Variants in KAT6A observed in about 807,000 individuals in gnomAD.
The protein encoded by KAT6A is histone acetyltransferase KAT6A.
In KAT6A, 9 loss-of-function variants were observed where a neutral mutation model predicts 198.4. That is an observed-to-expected ratio of 0.05 (90% CI 0.03 to 0.08). The LOEUF (loss-of-function observed/expected upper bound fraction) is 0.08. Among genes scored for constraint, KAT6A ranks in the 10% least tolerant of loss-of-function variants. The pLI, the probability that KAT6A is intolerant of heterozygous loss-of-function variation, is 1.00. For synonymous variants in KAT6A, 890 were observed against 883.0 expected (o/e 1.01, Z -0.14); for missense variants, 2,077 against 2,509.9 (o/e 0.83, Z 3.69).
chr8:42,025,181 C>A (rs914707278), intron 2 of KAT6A, among the ~76,000 whole-genome samples: 2 of 151,752 alleles, frequency 1.3e-5, no homozygotes, highest in Admixed American at 1.3e-4. Context: ...TTTGTATTTC[C>A]CAGATGATTA....
At chr8:41,993,430 C>G (rs1193762200) in intron 2 of KAT6A, among the ~76,000 whole-genome samples, 1 of 152,130 alleles carries the variant, frequency 6.6e-6, no homozygotes, top group African/African-American at 2.4e-5. Context: ...AGGCGTTATT[C>G]CAAACAGAGT....
chr8:41,947,250 T>C (rs1172928489), intron 11 of KAT6A, among the ~76,000 whole-genome samples: 1 of 152,266 alleles, frequency 6.6e-6, no homozygotes, highest in East Asian at 1.9e-4. Flanking sequence ...CTAACTGTTT[T>C]ATACACTTGG....
intron 9 of KAT6A, among the ~76,000 whole-genome samples, chr8:41,954,200 T>C (rs897626543): frequency 6.6e-6 from 1 of 152,218 alleles, no homozygotes; most frequent in East Asian, 1.9e-4. Context: ...AAGCAAGTTA[T>C]TATATGGAAA....
At chr8:42,035,379 T>C (rs1243478682) in intron 2 of KAT6A, among the ~76,000 whole-genome samples, 1 of 151,970 alleles carries the variant, frequency 6.6e-6, no homozygotes, top group African/African-American at 2.4e-5. Flanking sequence ...AATATACAAG[T>C]CCAGAGATCA....
intron 5 of KAT6A, among the ~76,000 whole-genome samples, 157 bp downstream of exon 5, chr8:41,980,689 C>G (rs1824307247): frequency 6.6e-6 from 1 of 152,202 alleles, no homozygotes; most frequent in Non-Finnish European, 1.5e-5. Context: ...CTCAGAAAGA[C>G]TATCCCCCCA....
At chr8:41,995,328 C>T (rs1342637922) in intron 2 of KAT6A, among the ~76,000 whole-genome samples, 1 of 152,138 alleles carries the variant, frequency 6.6e-6, no homozygotes, top group Non-Finnish European at 1.5e-5. Flanking sequence ...GCCATAGCAA[C>T]TCAAAAGCAG....
At position 41,937,455 on chromosome 8, in the gene KAT6A, A is replaced by G. The variant is rs1390381703; in HGVS notation, c.3153T>C (p.Asp1051=). The change falls in exon 16 of 17, where the codon GAT becomes GAC. Residue 1051 remains aspartate (D), a synonymous_variant. Transcript: ENST00000265713. ...TTGGCATTGGCCTCTCGGAGTCAGA[A>G]TCTTCAAAAGGTTCATCTAACACTT... ...TTEVLDEPFE[D]SDSERPMPRL... The G allele has an allele frequency of 6.2e-7, 1 of 1,614,062 alleles. No individual in the cohort carries two copies. The highest frequency in any genetic ancestry group is 1.3e-5 in the African/African-American group (1 of 74,940).
chr8:42,050,789 G>A (rs1802575923), intron 1 of KAT6A, among the ~76,000 whole-genome samples: 1 of 152,142 alleles, frequency 6.6e-6, no homozygotes, highest in Non-Finnish European at 1.5e-5. Flanking sequence ...AAGCTTCGCA[G>A]GTAAAAGAAT....
intron 8 of KAT6A, among the ~76,000 whole-genome samples, chr8:41,960,564 C>T (rs189011828): frequency 6.7e-6 from 1 of 148,972 alleles, no homozygotes; most frequent in East Asian, 2.0e-4. Flanking sequence ...GTATATTTTA[C>T]CACAATTATT....
Position 41,933,748 on chromosome 8 carries a change from C to A in KAT6A, c.4472G>T (p.Ser1491Ile). The A allele has an allele frequency of 6.2e-7, 1 of 1,614,120 alleles. No homozygotes were observed. Among genetic ancestry groups the A allele is most frequent in the Non-Finnish European group, 8.5e-7 (1 of 1,180,028 alleles). ...ACTGCTGACCGAACGGACTGACTGGCTGGGGTGAGACTGAACGGAGGAGAT... is the reference window on the plus strand; with the variant it reads ...ACTGCTGACCGAACGGACTGACTGGATGGGGTGAGACTGAACGGAGGAGAT... ...SPISSVQSHP[S>I]QSVRSVSSPN... is the part of the protein sequence containing the mutation. The change falls in exon 17 of 17, where the codon AGC (serine) becomes ATC (isoleucine). Residue 1491 changes from serine to isoleucine, a missense_variant. Ser to Ile is a moderately radical substitution (Grantham distance 142). Around this residue, in one of 13 missense-constraint regions of KAT6A, gnomAD observed 178 missense variants for 220.8 expected, o/e 0.81. Coordinates refer to ENST00000265713, the MANE Select transcript of KAT6A (RefSeq NM_006766.5). This position sits in a 1 kb window ranked among gnomAD's most constrained non-coding sequence, Gnocchi z 6.2.
chr8:42,049,063 G>C lies in KAT6A; in HGVS notation c.-86C>G. The C allele has an allele frequency of 7.1e-7, 1 of 1,416,514 alleles. No individual in the cohort carries two copies. Among genetic ancestry groups the C allele is most frequent in the Non-Finnish European group, 9.5e-7 (1 of 1,052,004 alleles). 87.7% of individuals were successfully genotyped at this position (1,416,514 alleles called of 1,614,324 possible). ...TACACCATGGAAAACAAGATTCTCG[G>C]AGGCTGGGAACCAGTTAACCATAGC... On this transcript the variant is annotated 5_prime_UTR_variant, in exon 2 of 17. Coordinates refer to ENST00000265713, the MANE Select transcript of KAT6A (RefSeq NM_006766.5).
intron 2 of KAT6A, among the ~76,000 whole-genome samples, chr8:42,039,405 C>T (rs945812281): frequency 9.2e-5 from 14 of 152,174 alleles, no homozygotes; most frequent in African/African-American, 3.1e-4. Context: ...TCTTACATAG[C>T]TAAGAACCAA....
chr8:42,041,458 C>T (rs1402879328), intron 2 of KAT6A, among the ~76,000 whole-genome samples: 2 of 152,142 alleles, frequency 1.3e-5, no homozygotes, highest in Non-Finnish European at 1.5e-5. Context: ...CGGCATGGGC[C>T]GGGCATGGTG....
chr8:41,943,725 A>G (rs766325941), intron 13 of KAT6A, 23 bp downstream of exon 13: 4 of 1,537,308 alleles, frequency 2.6e-6, no homozygotes, highest in Non-Finnish European at 3.6e-6. Flanking sequence ...TTTCAAAGGT[A>G]TACAAAAAGA....
In KAT6A at chr8:41,933,380, T is replaced by C. The variant is rs1308241636; in HGVS notation, c.4840A>G (p.Ser1614Gly). 6.2e-7 allele frequency: 1 copy of C among 1,602,990 alleles called. No homozygotes were observed. The highest frequency in any genetic ancestry group is 1.7e-5 in the Admixed American group (1 of 59,704). Residue 1614 changes from serine (S) to glycine (G), a missense_variant, in exon 17 of 17, where the codon AGC becomes GGC. Transcript: ENST00000265713. The surrounding 1 kb of genome is among the most constrained non-coding windows in gnomAD (Gnocchi z 6.2). ...VVTQQMASMG[S>G]SCSMMQQSSV... ...CTCTGCTGCATCATGCTGCAGCTGCTGCCCATGCTGGCCATCTGCTGAGTG... is the reference window on the plus strand; with the variant it reads ...CTCTGCTGCATCATGCTGCAGCTGCCGCCCATGCTGGCCATCTGCTGAGTG...
At chr8:41,978,855 G>T (rs1824204877) in intron 5 of KAT6A, 78 bp from the exon 6 acceptor site, 2 of 1,356,814 alleles carry the variant, frequency 1.5e-6, no homozygotes, top group Admixed American at 4.2e-5. Context: ...CTTAAGTCAG[G>T]ATCTTAACTT....
At chr8:41,992,829 A>G (rs16890988) in intron 2 of KAT6A, among the ~76,000 whole-genome samples, 15,951 of 152,206 alleles carry the variant, frequency 0.1, 1,071 homozygotes, top group East Asian at 0.24. Context: ...TGGCCAATCT[A>G]CTATACTTCT....
chr8:42,045,200 G>C (rs1287074346), intron 2 of KAT6A, among the ~76,000 whole-genome samples: 1 of 152,136 alleles, frequency 6.6e-6, no homozygotes, highest in South Asian at 2.1e-4. Context: ...TTTCCAATGA[G>C]ATTAGTACAT....
intron 2 of KAT6A, among the ~76,000 whole-genome samples, chr8:42,046,088 T>C (rs1027394588): frequency 6.6e-6 from 1 of 152,158 alleles, no homozygotes; most frequent in Non-Finnish European, 1.5e-5. Flanking sequence ...CAGGGTCCCT[T>C]CCAAAAGTAA....
Sources: allele counts gnomAD v4.1 joint callset (sites outside exome capture counted in the v4.1 genomes callset), GRCh38; gene constraint gnomAD v4.1.1; regional missense constraint gnomAD v4.1.1; non-coding constraint Gnocchi (gnomAD v3.1); transcripts MANE v1.5; gene names NCBI Gene and HGNC (gene_info 2026-07-23, HGNC 2026-07-21).